Variants in JAKMIP2 observed in about 807,000 individuals in gnomAD.
JAKMIP2 encodes janus kinase and microtubule interacting protein 2, also known as janus kinase and microtubule-interacting protein 2.
In JAKMIP2, 25 loss-of-function variants were observed where a neutral mutation model predicts 115.0. The observed-to-expected ratio is 0.22, with a 90% CI of 0.16 to 0.30. The LOEUF is 0.30. Ranked by LOEUF, JAKMIP2 falls within the 10% of genes least tolerant of loss-of-function variation. The pLI is 1.00. For missense variants in JAKMIP2, 642 were observed against 957.6 expected, an observed-to-expected ratio of 0.67 and a Z score of 4.35; for synonymous variants, 334 against 343.6, an observed-to-expected ratio of 0.97 and a Z score of 0.31.
At chr5:147,668,763 T>G (rs920662603) in intron 2 of JAKMIP2, among the ~76,000 whole-genome samples, 1 of 152,180 alleles carries the variant, frequency 6.6e-6, no homozygotes, top group Admixed American at 6.5e-5. Context: ...ATTGTCCCAT[T>G]TGACAGATGA....
At chr5:147,672,072 C>T in intron 1 of JAKMIP2, 118 bp from the exon 2 acceptor site, 1 of 511,304 alleles carries the variant, frequency 2.0e-6, no homozygotes, top group Non-Finnish European at 2.7e-6. Flanking sequence ...CTCCTATCCT[C>T]AGTATCTCCT....
chr5:147,655,530 TG>T (rs1179338393), intron 3 of JAKMIP2, among the ~76,000 whole-genome samples: 40 of 152,324 alleles, frequency 2.6e-4, no homozygotes, highest in African/African-American at 8.7e-4. Context: ...TGTACTGCTA[TG>T]GAGTTAGTGG....
intron 1 of JAKMIP2, among the ~76,000 whole-genome samples, chr5:147,681,594 C>T (rs1464767392): frequency 6.6e-6 from 1 of 152,062 alleles, no homozygotes; most frequent in Non-Finnish European, 1.5e-5. Flanking sequence ...CATGAAGTGC[C>T]TGGTGGAGGA....
intron 1 of JAKMIP2, among the ~76,000 whole-genome samples, chr5:147,753,078 T>C (rs1488930851): frequency 6.6e-6 from 1 of 152,182 alleles, no homozygotes; most frequent in East Asian, 1.9e-4. Context: ...AATGGCATTA[T>C]AGCTGGCACT....
At chr5:147,677,453 A>G (rs1482968377) in intron 1 of JAKMIP2, among the ~76,000 whole-genome samples, 1 of 152,194 alleles carries the variant, frequency 6.6e-6, no homozygotes, top group African/African-American at 2.4e-5. Flanking sequence ...AAAACTCTTG[A>G]GGGAGAGAAG....
intron 2 of JAKMIP2, 104 bp downstream of exon 2, chr5:147,671,574 G>T (rs1210206705): frequency 2.0e-6 from 2 of 1,001,338 alleles, no homozygotes; most frequent in Non-Finnish European, 1.3e-6. Context: ...CTGGCAAAGG[G>T]CAGGAGTCCA....
chr5:147,615,507 C>T (rs901731621), intron 19 of JAKMIP2, among the ~76,000 whole-genome samples: 2 of 151,906 alleles, frequency 1.3e-5, no homozygotes, highest in African/African-American at 2.4e-5. Context: ...ACTGAAGGAC[C>T]TGAAGAGACC....
intron 1 of JAKMIP2, among the ~76,000 whole-genome samples, chr5:147,737,264 G>T (rs1326449704): frequency 2.0e-5 from 3 of 152,152 alleles, no homozygotes; most frequent in Non-Finnish European, 2.9e-5. Context: ...TGCTCTTGCA[G>T]TGTTATAAAT....
intron 20 of JAKMIP2, among the ~76,000 whole-genome samples, chr5:147,608,720 G>A (rs909589619): frequency 1.3e-5 from 2 of 152,148 alleles, no homozygotes; most frequent in Admixed American, 6.5e-5. Flanking sequence ...TTCAAGTCCT[G>A]AATTTCCTTG....
chr5:147,659,759 C>T (rs992232485), intron 3 of JAKMIP2, among the ~76,000 whole-genome samples: 1 of 152,122 alleles, frequency 6.6e-6, no homozygotes, highest in Non-Finnish European at 1.5e-5. Context: ...TATTTCTGCA[C>T]TGTGTTTGGT....
intron 1 of JAKMIP2, among the ~76,000 whole-genome samples, chr5:147,762,462 T>C (rs1754962775): frequency 6.6e-6 from 1 of 152,110 alleles, no homozygotes; most frequent in Non-Finnish European, 1.5e-5. Flanking sequence ...GGGCTTGAAG[T>C]GCAAGCCAAA....
chr5:147,691,083 G>A (rs1751823064), intron 1 of JAKMIP2, among the ~76,000 whole-genome samples: 1 of 152,076 alleles, frequency 6.6e-6, no homozygotes, highest in Non-Finnish European at 1.5e-5. Context: ...TAGCAGATAG[G>A]GAGGTTGGTA....
intron 1 of JAKMIP2, among the ~76,000 whole-genome samples, chr5:147,756,282 A>AT: frequency 6.6e-6 from 1 of 152,318 alleles, no homozygotes; most frequent in East Asian, 1.9e-4. Context: ...AGGAGAAATC[A>AT]TTTAAGTCAG....
At chr5:147,688,901 G>A (rs6580495) in intron 1 of JAKMIP2, among the ~76,000 whole-genome samples, 42,337 of 152,096 alleles carry the variant, frequency 0.28, 6,581 homozygotes, top group African/African-American at 0.41. Context: ...TTGGCTCATG[G>A]AGCTGCTATG....
chr5:147,688,509 G>C (rs1056427583), intron 1 of JAKMIP2, among the ~76,000 whole-genome samples: 1 of 152,156 alleles, frequency 6.6e-6, no homozygotes, highest in African/African-American at 2.4e-5. Flanking sequence ...GCTTCATAGA[G>C]TCTGATTAAA....
chr5:147,722,638 G>A (rs1328721074), intron 1 of JAKMIP2, among the ~76,000 whole-genome samples: 1 of 152,174 alleles, frequency 6.6e-6, no homozygotes, highest in Non-Finnish European at 1.5e-5. Context: ...ATGGGACAAT[G>A]TCAGTCATAG....
At chr5:147,718,840 T>C (rs1451929559) in intron 1 of JAKMIP2, among the ~76,000 whole-genome samples, 1 of 151,612 alleles carries the variant, frequency 6.6e-6, no homozygotes, top group Non-Finnish European at 1.5e-5. Flanking sequence ...TTTGTGTCTC[T>C]ATTTCCTTCA....
chr5:147,702,094 C>T (rs939220391), intron 1 of JAKMIP2, among the ~76,000 whole-genome samples: 8 of 152,158 alleles, frequency 5.3e-5, no homozygotes, highest in Non-Finnish European at 1.2e-4. Flanking sequence ...TGATCCAGAG[C>T]AACTGCTTAC....
chr5:147,650,955 A>G (rs1758368600), intron 3 of JAKMIP2, among the ~76,000 whole-genome samples: 1 of 152,194 alleles, frequency 6.6e-6, no homozygotes. Flanking sequence ...ATGGGTATTC[A>G]GATTCAATCA....
Sources: gnomAD v4.1 joint callset for allele counts (sites outside exome capture counted in the v4.1 genomes callset) on GRCh38, gnomAD v4.1.1 for gene constraint, MANE v1.5 for transcripts, NCBI Gene and HGNC (gene_info 2026-07-23, HGNC 2026-07-21) for gene names.